The following CACNB2 variants were observed in gnomAD, a reference collection of about 807,000 sequenced individuals.
CACNB2 encodes voltage-dependent L-type calcium channel subunit beta-2.
In CACNB2, 42 loss-of-function variants were observed where a neutral mutation model predicts 73.3. The ratio of observed to expected loss-of-function variants is 0.57; its 90% confidence interval spans 0.45 to 0.74. The LOEUF (loss-of-function observed/expected upper bound fraction) is 0.74. CACNB2 is among the 30% of genes least tolerant of loss of function. The pLI, the probability that CACNB2 is intolerant of heterozygous loss-of-function variation, is 0.00. For missense variants in CACNB2, 940 were observed against 853.0 expected, an observed-to-expected ratio of 1.10 and a Z score of -1.27; for synonymous variants, 348 against 310.3, an observed-to-expected ratio of 1.12 and a Z score of -1.28.
chr10:18,261,057 A>G (rs989315875), intron 2 of CACNB2: 7 of 1,325,934 alleles, frequency 5.3e-6, no homozygotes, highest in African/African-American at 4.5e-5. Flanking sequence ...CCCACCCCCA[A>G]AAAAAGACAA....
intron 3 of CACNB2, among the ~76,000 whole-genome samples, chr10:18,491,300 A>G (rs997232496): frequency 3.9e-5 from 6 of 152,196 alleles, no homozygotes; most frequent in African/African-American, 1.4e-4. Context: ...AAAATCTGGT[A>G]GGGCAGGGTG....
intron 3 of CACNB2, among the ~76,000 whole-genome samples, chr10:18,422,976 G>T (rs1189355865): frequency 1.3e-5 from 2 of 152,206 alleles, no homozygotes; most frequent in Admixed American, 6.5e-5. Context: ...GTGATTACAG[G>T]CGTGAGCCAC....
At chr10:18,255,100 T>A (rs757439025) in intron 2 of CACNB2, among the ~76,000 whole-genome samples, 6 of 152,160 alleles carry the variant, frequency 3.9e-5, no homozygotes, top group Non-Finnish European at 8.8e-5. Context: ...CCTGCCAAAG[T>A]GGATTTTAAA....
At chr10:18,522,921 G>A (rs1263739899) in intron 9 of CACNB2, among the ~76,000 whole-genome samples, 4 of 141,008 alleles carry the variant, frequency 2.8e-5, no homozygotes, top group African/African-American at 1.1e-4. Flanking sequence ...AAAGTGATCA[G>A]GCAAAGAACT....
At chr10:18,534,792 G>C (rs11014721) in intron 11 of CACNB2, among the ~76,000 whole-genome samples, 8,324 of 152,250 alleles carry the variant, frequency 0.055, 302 homozygotes, top group Non-Finnish European at 0.077. Context: ...ACAAGCACTG[G>C]TTTGATTGAG....
chr10:18,144,363 C>T (rs60689569), intron 1 of CACNB2, among the ~76,000 whole-genome samples: 3 of 152,134 alleles, frequency 2.0e-5, no homozygotes, highest in Admixed American at 6.5e-5. Context: ...TACAGGCGTG[C>T]GCCACCATGC....
chr10:18,301,904 C>T (rs1360545263), intron 2 of CACNB2, among the ~76,000 whole-genome samples: 1 of 152,004 alleles, frequency 6.6e-6, no homozygotes, highest in Non-Finnish European at 1.5e-5. Flanking sequence ...ACCTTGGCCC[C>T]CCAGGGTGCT....
intron 2 of CACNB2, among the ~76,000 whole-genome samples, chr10:18,222,705 G>A (rs1301282868): frequency 6.6e-6 from 1 of 152,174 alleles, no homozygotes; most frequent in Non-Finnish European, 1.5e-5. Context: ...GGGAGGCCGA[G>A]GTGAGTGGAT....
At chr10:18,296,924 G>A (rs900519697) in intron 2 of CACNB2, among the ~76,000 whole-genome samples, 1 of 152,160 alleles carries the variant, frequency 6.6e-6, no homozygotes, top group African/African-American at 2.4e-5. Flanking sequence ...AACCACTAAG[G>A]TTTCCGTCAT....
At chr10:18,493,842 T>A (rs1174972334) in intron 3 of CACNB2, among the ~76,000 whole-genome samples, 1 of 152,196 alleles carries the variant, frequency 6.6e-6, no homozygotes, top group Non-Finnish European at 1.5e-5. Context: ...AGTGACATTG[T>A]CACTGGCCTC....
At chr10:18,236,033 T>C (rs923126674) in intron 2 of CACNB2, among the ~76,000 whole-genome samples, 1 of 152,180 alleles carries the variant, frequency 6.6e-6, no homozygotes, top group Non-Finnish European at 1.5e-5. Flanking sequence ...CTGCCATGAT[T>C]GTAAATTTCC....
intron 2 of CACNB2, chr10:18,401,151 T>C: frequency 2.5e-6 from 4 of 1,609,916 alleles, no homozygotes; most frequent in Non-Finnish European, 3.4e-6. Context: ...GTCTCTGCTT[T>C]TCTGTTGTTG....
intron 4 of CACNB2, 159 bp downstream of exon 4, chr10:18,498,636 A>G: frequency 1.3e-6 from 1 of 741,744 alleles, no homozygotes; most frequent in South Asian, 1.6e-5. Context: ...CTCTGCTAAT[A>G]TAAATATACC....
At chr10:18,527,884 G>A (rs1180633783) in intron 10 of CACNB2, among the ~76,000 whole-genome samples, 187 bp downstream of exon 10, 3 of 152,210 alleles carry the variant, frequency 2.0e-5, no homozygotes, top group Admixed American at 6.5e-5. Flanking sequence ...ATAGTTTCAA[G>A]TTAAGAATTC....
At chr10:18,206,779 C>T (rs978206677) in intron 2 of CACNB2, 6 of 152,170 alleles carry the variant, frequency 3.9e-5, no homozygotes, top group African/African-American at 1.4e-4. Context: ...AGGGTAATGC[C>T]GGGCTCCATT....
chr10:18,408,395 C>T (rs1051747038), intron 3 of CACNB2, among the ~76,000 whole-genome samples: 8 of 151,690 alleles, frequency 5.3e-5, no homozygotes, highest in South Asian at 4.2e-4. Context: ...TGCACCACTG[C>T]GCCCAGCTGA....
chr10:18,266,746 C>T (rs558883467), intron 2 of CACNB2, among the ~76,000 whole-genome samples: 9 of 152,128 alleles, frequency 5.9e-5, no homozygotes, highest in East Asian at 5.8e-4. Flanking sequence ...AGAACTTAGC[C>T]GTGCGTGGTG....
chr10:18,227,688 T>C (rs894201975), intron 2 of CACNB2, among the ~76,000 whole-genome samples: 2 of 152,002 alleles, frequency 1.3e-5, no homozygotes, highest in Non-Finnish European at 2.9e-5. Context: ...TTATCTACCA[T>C]AGGGAAAGGG....
At chr10:18,358,130 A>G (rs4748454) in intron 2 of CACNB2, among the ~76,000 whole-genome samples, 15,288 of 152,262 alleles carry the variant, frequency 0.1, 935 homozygotes, top group Non-Finnish European at 0.13. Context: ...TCTGTCACCC[A>G]AGCTAGAGGG....
Sources: gnomAD v4.1 joint callset for allele counts (sites outside exome capture counted in the v4.1 genomes callset) on GRCh38, gnomAD v4.1.1 for gene constraint, MANE v1.5 for transcripts, NCBI Gene and HGNC (gene_info 2026-07-23, HGNC 2026-07-21) for gene names.